The following LMLN variants were observed in gnomAD, a reference collection of about 807,000 sequenced individuals.
LMLN encodes leishmanolysin like peptidase, also known as leishmanolysin-like peptidase.
Under a neutral mutation model 92.3 loss-of-function variants are expected in LMLN, and 70 were observed. The ratio of observed to expected loss-of-function variants is 0.76; its 90% confidence interval spans 0.63 to 0.92. LMLN has a LOEUF of 0.92. Among genes scored for constraint, LMLN ranks in the 40% least tolerant of loss-of-function variants. The pLI is 0.00. For missense variants in LMLN, 691 were observed against 814.6 expected (o/e 0.85, Z 1.85); for synonymous variants, 308 against 296.2 (o/e 1.04, Z -0.41).
intron 10 of LMLN, among the ~76,000 whole-genome samples, chr3:197,996,978 GTTCTT>G (rs1237683317): frequency 6.6e-5 from 10 of 150,986 alleles, no homozygotes; most frequent in South Asian, 4.2e-4. Context: ...TCGTTTGTTC[GTTCTT>G]TTCTTTTGTT....
chr3:198,007,462 G>A (rs1722326400), intron 11 of LMLN, among the ~76,000 whole-genome samples: 1 of 150,986 alleles, frequency 6.6e-6, no homozygotes. Context: ...TTGCTTTTGT[G>A]CCTTTGGCAG....
chr3:197,960,239 C>T (rs1047631218), exon 1 of LMLN: 4 of 1,610,580 alleles, frequency 2.5e-6, no homozygotes, highest in Middle Eastern at 1.7e-4. Flanking sequence ...CGACGCTCGG[C>T]CCGAAGATGG....
In LMLN at chr3:197,981,363, C is replaced by T. The variant is rs760973856; in HGVS notation, c.728+859C>T. ...CTCCAGCCTGGACCACAGAGCCAGA[C>T]CCTGTGTCCAAAAAACAACAATAAT... On this transcript the variant is annotated intron_variant, in intron 6 of 15. Transcript: ENST00000330198. Among the ~76,000 whole-genome samples, 5 of 152,254 alleles carry T rather than the reference C, an allele frequency of 3.3e-5. No individual in the cohort carries two copies. In the South Asian group the frequency reaches 8.3e-4, roughly 25 times the overall value.
intron 13 of LMLN, among the ~76,000 whole-genome samples, 180 bp downstream of exon 14, chr3:198,021,785 G>T (rs573642636): frequency 6.6e-6 from 1 of 152,264 alleles, no homozygotes; most frequent in Admixed American, 6.5e-5. Flanking sequence ...TCATCTGTAC[G>T]ATGGAGGCAA....
At chr3:198,034,644 A>G (rs986045739) in intron 14 of LMLN, among the ~76,000 whole-genome samples, 5 of 152,172 alleles carry the variant, frequency 3.3e-5, no homozygotes, top group African/African-American at 1.2e-4. Flanking sequence ...TTAAAAAATT[A>G]CTATTTCTAA....
chr3:198,002,929 C>A, intron 11 of LMLN, 86 bp from the exon 12 acceptor site: 1 of 740,788 alleles, frequency 1.3e-6, no homozygotes, highest in South Asian at 1.7e-5. Context: ...TCCTAATGTG[C>A]TCATTGTTGA....
rs1392227711 is a variant in LMLN, at chr3:198,031,914, C to G, written c.1657-3919C>G. Among the ~76,000 whole-genome samples the G allele has an allele frequency of 6.6e-6, 1 of 151,972 alleles. No individual in the cohort carries two copies. Among genetic ancestry groups the G allele is most frequent in the East Asian group, 1.9e-4 (1 of 5,190 alleles). On this transcript the variant is annotated intron_variant, in intron 14 of 15. Transcript: ENST00000330198. This position sits in a 1 kb window ranked among gnomAD's most constrained non-coding sequence, Gnocchi z 4.8. ...GTCAAGAGTTTGAAAGCAGCCTGGCCAACATGATGAAACCCCTCATCTACT... is the reference window on the plus strand; with the variant it reads ...GTCAAGAGTTTGAAAGCAGCCTGGCGAACATGATGAAACCCCTCATCTACT...
intron 11 of LMLN, among the ~76,000 whole-genome samples, chr3:198,005,831 T>A (rs1017294851): frequency 1.3e-5 from 2 of 152,144 alleles, no homozygotes; most frequent in South Asian, 4.1e-4. Context: ...ATGGGATTTT[T>A]CCTTGTTGGC....
intron 11 of LMLN, among the ~76,000 whole-genome samples, chr3:198,010,647 C>A (rs1286071640): frequency 6.6e-6 from 1 of 151,990 alleles, no homozygotes; most frequent in Non-Finnish European, 1.5e-5. Context: ...GACAGGGTTT[C>A]ACTGTATTGC....
intron 8 of LMLN, among the ~76,000 whole-genome samples, chr3:197,987,832 C>T (rs560143193): frequency 1.3e-5 from 2 of 152,140 alleles, no homozygotes; most frequent in Non-Finnish European, 2.9e-5. Flanking sequence ...TTATCAGTAT[C>T]GGATATTATA....
At chr3:197,960,974 T>C (rs1157686743) in intron 1 of LMLN, among the ~76,000 whole-genome samples, 3 of 152,164 alleles carry the variant, frequency 2.0e-5, no homozygotes, top group African/African-American at 7.2e-5. Context: ...GTCGTCACTT[T>C]GTTTGCTTTA....
chr3:197,993,019 T>C (rs1437721801), intron 9 of LMLN, among the ~76,000 whole-genome samples: 1 of 152,102 alleles, frequency 6.6e-6, no homozygotes, highest in African/African-American at 2.4e-5. Flanking sequence ...ACTGACAGAA[T>C]GAAGGACAAA....
chr3:197,986,836 T>C (rs369193036), intron 8 of LMLN, among the ~76,000 whole-genome samples: 1 of 142,026 alleles, frequency 7.0e-6, no homozygotes, highest in Admixed American at 6.8e-5. Context: ...TGTTTGAAAA[T>C]TTTTTTTCTT....
intron 8 of LMLN, 141 bp downstream of exon 8, chr3:197,986,031 T>C (rs147742475): frequency 1.7e-6 from 1 of 595,614 alleles, no homozygotes; most frequent in Non-Finnish European, 2.9e-6. Context: ...TAAAACAAAA[T>C]GGGATATAAG....
At chr3:197,988,477 AC>A (rs1721774909) in intron 8 of LMLN, among the ~76,000 whole-genome samples, 1 of 95,168 alleles carries the variant, frequency 1.1e-5, no homozygotes, top group East Asian at 3.2e-4. Flanking sequence ...TGCTGGATTT[AC>A]CCCTTTTTTT....
chr3:198,001,822 T>G (rs1454448745), intron 11 of LMLN, among the ~76,000 whole-genome samples: 1 of 152,122 alleles, frequency 6.6e-6, no homozygotes, highest in Non-Finnish European at 1.5e-5. Context: ...TTCAATATTA[T>G]TATTTTTTAT....
exon 16 of LMLN, chr3:198,038,896 A>C: frequency 3.8e-6 from 1 of 265,404 alleles, no homozygotes. Flanking sequence ...CAGCAACCCA[A>C]CCACCTCGTC....
intron 11 of LMLN, among the ~76,000 whole-genome samples, chr3:198,010,235 C>T (rs1244050791): frequency 6.6e-6 from 1 of 152,120 alleles, no homozygotes; most frequent in African/African-American, 2.4e-5. Flanking sequence ...CTCACTGCAG[C>T]CTCCGCCTCC....
At chr3:197,981,065 T>C (rs747842349) in intron 6 of LMLN, among the ~76,000 whole-genome samples, 40 of 151,732 alleles carry the variant, frequency 2.6e-4, no homozygotes, top group Non-Finnish European at 4.1e-4. Context: ...ATCATGCCAC[T>C]GCACTCCAGC....
Sources: gnomAD v4.1 joint callset for allele counts (sites outside exome capture counted in the v4.1 genomes callset) on GRCh38, gnomAD v4.1.1 for gene constraint, Gnocchi (gnomAD v3.1) non-coding constraint, MANE v1.5 for transcripts, NCBI Gene and HGNC (gene_info 2026-07-23, HGNC 2026-07-21) for gene names.